The following CHCHD3 variants were observed in gnomAD, a reference collection of about 807,000 sequenced individuals.
CHCHD3 encodes MICOS complex subunit MIC19.
In CHCHD3, 20 loss-of-function variants were observed where a neutral mutation model predicts 38.2. The observed-to-expected ratio is 0.52, with a 90% CI of 0.37 to 0.76. The LOEUF is 0.76. Ranked by LOEUF, CHCHD3 falls within the 30% of genes least tolerant of loss-of-function variation. The pLI is 0.00. For missense variants in CHCHD3, 245 were observed against 279.2 expected (o/e 0.88, Z 0.87); for synonymous variants, 82 against 100.0 (o/e 0.82, Z 1.07).
intron 4 of CHCHD3, among the ~76,000 whole-genome samples, chr7:132,967,163 A>G (rs1811485128): frequency 6.6e-6 from 1 of 152,222 alleles, no homozygotes; most frequent in South Asian, 2.1e-4. Flanking sequence ...TAACTTGATG[A>G]ATTTTCAAAA....
At chr7:133,023,326 G>T (rs893937913) in intron 3 of CHCHD3, among the ~76,000 whole-genome samples, 4 of 152,208 alleles carry the variant, frequency 2.6e-5, no homozygotes, top group Non-Finnish European at 4.4e-5. Flanking sequence ...TGTGTAAATT[G>T]GGAGTTAGTT....
At chr7:132,833,232 C>T (rs750561100) in intron 6 of CHCHD3, among the ~76,000 whole-genome samples, 12 of 152,056 alleles carry the variant, frequency 7.9e-5, no homozygotes, top group East Asian at 3.9e-4. Context: ...TTATAAAATG[C>T]GACATGAAGT....
chr7:132,834,074 G>A (rs940630790), intron 6 of CHCHD3, among the ~76,000 whole-genome samples: 2 of 152,186 alleles, frequency 1.3e-5, no homozygotes, highest in Non-Finnish European at 2.9e-5. Flanking sequence ...GATGCTTACA[G>A]GTGCTAAGCT....
chr7:132,825,468 A>C (rs904674221), intron 6 of CHCHD3, among the ~76,000 whole-genome samples: 1 of 152,310 alleles, frequency 6.6e-6, no homozygotes, highest in East Asian at 1.9e-4. Flanking sequence ...ATGACAAAGC[A>C]TTTGGTTCCC....
chr7:132,842,088 A>G (rs1807954963), intron 5 of CHCHD3, among the ~76,000 whole-genome samples: 1 of 151,760 alleles, frequency 6.6e-6, no homozygotes, highest in African/African-American at 2.4e-5. Flanking sequence ...ACAGAGCAAG[A>G]CTCCATCTCG....
At chr7:132,928,624 G>C (rs1810436264) in intron 4 of CHCHD3, among the ~76,000 whole-genome samples, 1 of 152,120 alleles carries the variant, frequency 6.6e-6, no homozygotes, top group Non-Finnish European at 1.5e-5. Context: ...TTGAACCTGG[G>C]AGGCGGAGGT....
intron 4 of CHCHD3, among the ~76,000 whole-genome samples, chr7:132,905,548 CA>C (rs1329857556): frequency 7.9e-5 from 12 of 151,288 alleles, no homozygotes; most frequent in Non-Finnish European, 1.8e-4. Flanking sequence ...ACCTACGTAA[CA>C]AACCTGCACA....
chr7:132,894,283 T>C (rs534163359), intron 4 of CHCHD3, among the ~76,000 whole-genome samples: 1 of 152,352 alleles, frequency 6.6e-6, no homozygotes, highest in Non-Finnish European at 1.5e-5. Context: ...TTTCTAGTTT[T>C]ATTTCATAAT....
chr7:132,880,258 T>C (rs919517611), intron 5 of CHCHD3, among the ~76,000 whole-genome samples: 4 of 152,206 alleles, frequency 2.6e-5, no homozygotes, highest in South Asian at 2.1e-4. Context: ...TGTATGTTCT[T>C]AGGTGAATTA....
chr7:133,012,238 T>C (rs1178620342), intron 3 of CHCHD3, among the ~76,000 whole-genome samples: 7 of 152,210 alleles, frequency 4.6e-5, no homozygotes, highest in African/African-American at 1.7e-4. Flanking sequence ...AGCTGACAGA[T>C]ATATTCATAA....
At chr7:133,042,868 G>A (rs565019764) in intron 2 of CHCHD3, among the ~76,000 whole-genome samples, 1 of 151,290 alleles carries the variant, frequency 6.6e-6, no homozygotes, top group African/African-American at 2.4e-5. Flanking sequence ...TGTTTGCTTC[G>A]GGTATTCAAT....
chr7:132,790,758 C>T (rs1241946018), intron 7 of CHCHD3, among the ~76,000 whole-genome samples: 1 of 152,088 alleles, frequency 6.6e-6, no homozygotes, highest in East Asian at 1.9e-4. Flanking sequence ...ATCGGGGGGA[C>T]CCTGATGTGG....
At chr7:132,856,462 T>A (rs1808344832) in intron 5 of CHCHD3, among the ~76,000 whole-genome samples, 1 of 152,222 alleles carries the variant, frequency 6.6e-6, no homozygotes, top group Admixed American at 6.5e-5. Context: ...GAAACATAAA[T>A]GGAATCGGGG....
intron 4 of CHCHD3, among the ~76,000 whole-genome samples, 168 bp from the exon 5 acceptor site, chr7:132,885,913 G>A (rs1297565595): frequency 1.3e-5 from 2 of 152,144 alleles, no homozygotes; most frequent in East Asian, 3.8e-4. Context: ...GTATTTAAAT[G>A]TAAAGAAGAA....
chr7:132,893,080 C>T (rs1437292136), intron 4 of CHCHD3, among the ~76,000 whole-genome samples: 1 of 152,214 alleles, frequency 6.6e-6, no homozygotes, highest in African/African-American at 2.4e-5. Flanking sequence ...GGTAGATCCA[C>T]TGACAGCTTG....
intron 6 of CHCHD3, among the ~76,000 whole-genome samples, chr7:132,836,872 C>T (rs1807796147): frequency 6.6e-6 from 1 of 152,184 alleles, no homozygotes; most frequent in Non-Finnish European, 1.5e-5. Flanking sequence ...AATCAGAGTG[C>T]TCATCTGGTC....
chr7:132,996,137 G>C (rs2117380986), intron 3 of CHCHD3, among the ~76,000 whole-genome samples: 1 of 152,304 alleles, frequency 6.6e-6, no homozygotes, highest in African/African-American at 2.4e-5. Flanking sequence ...GAAACGCTTA[G>C]CTCAAGACCC....
intron 4 of CHCHD3, among the ~76,000 whole-genome samples, chr7:132,931,099 T>C (rs1441412561): frequency 6.6e-6 from 1 of 152,152 alleles, no homozygotes; most frequent in Non-Finnish European, 1.5e-5. Flanking sequence ...GTGGAAAAAC[T>C]CCAGAAGTGG....
intron 4 of CHCHD3, among the ~76,000 whole-genome samples, chr7:132,886,793 C>G (rs764316245): frequency 6.6e-6 from 1 of 151,542 alleles, no homozygotes. Flanking sequence ...TTGTATGCAT[C>G]CAGCCATCCA....
Sources: gnomAD v4.1 joint callset for allele counts (sites outside exome capture counted in the v4.1 genomes callset) on GRCh38, gnomAD v4.1.1 for gene constraint, MANE v1.5 for transcripts, NCBI Gene and HGNC (gene_info 2026-07-23, HGNC 2026-07-21) for gene names.